The following NLGN1 variants were observed in gnomAD, a reference collection of about 807,000 sequenced individuals.
NLGN1 encodes neuroligin 1, also known as neuroligin-1.
In NLGN1, 12 loss-of-function variants were observed where a neutral mutation model predicts 65.5. The ratio of observed to expected loss-of-function variants is 0.18; its 90% CI spans 0.12 to 0.30. The LOEUF (loss-of-function observed/expected upper bound fraction) is 0.30, where lower values mean the gene tolerates loss of function less well. Among genes scored for constraint, NLGN1 ranks in the 10% least tolerant of loss-of-function variants. The probability of loss-of-function intolerance (pLI) is 1.00; values close to 1 mark genes in which losing one functional copy is unlikely to be tolerated. For missense variants in NLGN1, 750 were observed against 1,007.1 expected, an observed-to-expected ratio of 0.74 and a Z score of 3.46; for synonymous variants, 350 against 359.5, an observed-to-expected ratio of 0.97 and a Z score of 0.30.
At chr3:173,889,762 A>C (rs1018222722) in intron 4 of NLGN1, among the ~76,000 whole-genome samples, 5 of 150,972 alleles carry the variant, frequency 3.3e-5, no homozygotes, top group African/African-American at 1.2e-4. Context: ...CCGGTTGAGA[A>C]AGCTGTTTAA....
At chr3:174,152,508 A>T (rs1724566870) in intron 4 of NLGN1, among the ~76,000 whole-genome samples, 1 of 152,026 alleles carries the variant, frequency 6.6e-6, no homozygotes, top group South Asian at 2.1e-4. Flanking sequence ...GGGTCAGGGG[A>T]GCGGGGAGGG....
chr3:173,396,139 C>T (rs147915600), upstream of NLGN1: 1,848 of 159,156 alleles, frequency 0.012, 16 homozygotes, highest in Non-Finnish European at 0.019. Flanking sequence ...TTTTCGGAGG[C>T]GATTGCTCAC....
intron 2 of NLGN1, among the ~76,000 whole-genome samples, chr3:173,537,337 C>T (rs138029248): frequency 1.7e-4 from 26 of 152,218 alleles, no homozygotes; most frequent in East Asian, 7.7e-4. Flanking sequence ...ACAGAGAATA[C>T]GCTAATTCCT....
At chr3:174,100,622 T>C (rs959925285) in intron 4 of NLGN1, among the ~76,000 whole-genome samples, 2 of 152,082 alleles carry the variant, frequency 1.3e-5, no homozygotes, top group African/African-American at 2.4e-5. Context: ...TAAAAGTGGT[T>C]TCTCCAATGT....
chr3:173,615,370 C>T (rs929661362), intron 3 of NLGN1, among the ~76,000 whole-genome samples: 5 of 152,102 alleles, frequency 3.3e-5, no homozygotes, highest in Admixed American at 1.3e-4. Flanking sequence ...AAGAGATGTT[C>T]TTTGCCCTCA....
intron 4 of NLGN1, among the ~76,000 whole-genome samples, chr3:173,854,857 G>A (rs1425308675): frequency 6.6e-6 from 1 of 152,076 alleles, no homozygotes; most frequent in African/African-American, 2.4e-5. Flanking sequence ...ATTACATCTA[G>A]CGGGTAGAAG....
intron 3 of NLGN1, among the ~76,000 whole-genome samples, chr3:173,632,072 C>T (rs955739033): frequency 2.0e-5 from 3 of 152,024 alleles, no homozygotes; most frequent in Non-Finnish European, 2.9e-5. Context: ...CTTCAATCTT[C>T]GTGAGTTGCT....
chr3:174,177,640 A>G (rs1203045646), intron 4 of NLGN1, among the ~76,000 whole-genome samples: 5 of 152,062 alleles, frequency 3.3e-5, no homozygotes, highest in Admixed American at 1.3e-4. Flanking sequence ...GACGCCAACT[A>G]AAGAACTGTT....
At chr3:173,499,043 A>T (rs1730536599) in intron 2 of NLGN1, among the ~76,000 whole-genome samples, 1 of 150,468 alleles carries the variant, frequency 6.6e-6, no homozygotes, top group South Asian at 2.1e-4. Context: ...TGCTGTGCAG[A>T]AGCTCTTTAG....
intron 4 of NLGN1, among the ~76,000 whole-genome samples, chr3:174,271,825 G>A (rs6778378): frequency 0.21 from 31,839 of 151,518 alleles, 3,477 homozygotes; most frequent in Middle Eastern, 0.28. Context: ...TAATAGACAC[G>A]TGAATCAGTC....
chr3:173,831,878 T>G (rs1366506716), intron 4 of NLGN1, among the ~76,000 whole-genome samples: 1 of 152,204 alleles, frequency 6.6e-6, no homozygotes, highest in Non-Finnish European at 1.5e-5. Flanking sequence ...CGTTGTTTTC[T>G]TTATTCACTT....
intron 4 of NLGN1, among the ~76,000 whole-genome samples, chr3:174,224,778 A>T (rs563283837): frequency 6.6e-6 from 1 of 152,298 alleles, no homozygotes; most frequent in Non-Finnish European, 1.5e-5. Context: ...AGCTAACCGA[A>T]CTTTTTTTGC....
chr3:173,758,141 G>T (rs1777416452), intron 3 of NLGN1, among the ~76,000 whole-genome samples: 1 of 152,020 alleles, frequency 6.6e-6, no homozygotes, highest in Non-Finnish European at 1.5e-5. Context: ...CTCTCCATGT[G>T]CATGTAATGA....
At chr3:174,002,030 G>T (rs888042232) in intron 4 of NLGN1, among the ~76,000 whole-genome samples, 5 of 149,162 alleles carry the variant, frequency 3.4e-5, no homozygotes, top group African/African-American at 1.2e-4. Flanking sequence ...AAAAGTTAAG[G>T]TAACAGAATC....
chr3:174,111,840 C>T (rs187927494), intron 4 of NLGN1, among the ~76,000 whole-genome samples: 9 of 151,834 alleles, frequency 5.9e-5, no homozygotes, highest in Non-Finnish European at 7.4e-5. Flanking sequence ...AACACATGAA[C>T]GTGCAAGGAA....
At chr3:173,665,119 A>G (rs1266155609) in intron 3 of NLGN1, among the ~76,000 whole-genome samples, 3 of 152,130 alleles carry the variant, frequency 2.0e-5, no homozygotes, top group Non-Finnish European at 4.4e-5. Context: ...TGTGTCCCCA[A>G]CCAAAATCTC....
intron 2 of NLGN1, among the ~76,000 whole-genome samples, chr3:173,542,231 G>A (rs1286209928): frequency 6.6e-6 from 1 of 151,770 alleles, no homozygotes; most frequent in Non-Finnish European, 1.5e-5. Context: ...TCTTATTCTT[G>A]TATGGCTCCA....
At chr3:174,277,336 C>G (rs1293883866) in intron 5 of NLGN1, among the ~76,000 whole-genome samples, 1 of 151,862 alleles carries the variant, frequency 6.6e-6, no homozygotes, top group Non-Finnish European at 1.5e-5. Context: ...ACATAAGAGG[C>G]AATTTCACTA....
At chr3:174,242,649 C>G (rs906541292) in intron 4 of NLGN1, among the ~76,000 whole-genome samples, 1 of 151,990 alleles carries the variant, frequency 6.6e-6, no homozygotes, top group East Asian at 1.9e-4. Flanking sequence ...CCATCTCTGC[C>G]AGATAGAACC....
Sources: gnomAD v4.1 joint callset for allele counts (sites outside exome capture counted in the v4.1 genomes callset) on GRCh38, gnomAD v4.1.1 for gene constraint, MANE v1.5 for transcripts, NCBI Gene and HGNC (gene_info 2026-07-23, HGNC 2026-07-21) for gene names.